MINDY3: variants seen among roughly 807,000 people sequenced by gnomAD.
MINDY3 encodes ubiquitin carboxyl-terminal hydrolase MINDY-3.
MINDY3 carries 38 observed loss-of-function variants against 69.2 expected under a neutral mutation model. The ratio of observed to expected loss-of-function variants is 0.55; its 90% CI spans 0.42 to 0.72. MINDY3 has a LOEUF of 0.72. Ranked by LOEUF, MINDY3 falls within the 30% of genes least tolerant of loss-of-function variation. The probability of loss-of-function intolerance (pLI) is 0.00; values close to 1 mark genes in which losing one functional copy is unlikely to be tolerated. For missense variants in MINDY3, 522 were observed against 519.0 expected (o/e 1.01, Z -0.06); for synonymous variants, 192 against 180.1 (o/e 1.07, Z -0.53).
intron 10 of MINDY3, among the ~76,000 whole-genome samples, chr10:15,805,516 G>C (rs373459366): frequency 2.6e-5 from 4 of 152,094 alleles, no homozygotes; most frequent in Non-Finnish European, 5.9e-5. Context: ...AGTGATACAA[G>C]GTAATCGATG....
chr10:15,827,176 T>TAA lies in MINDY3; in HGVS notation c.731-5452_731-5451dup, dbSNP rs56332799. Among the ~76,000 whole-genome samples the TAA allele has an allele frequency of 4.6e-3, 207 of 44,842 alleles. 3 individuals are homozygous for TAA. Among genetic ancestry groups the TAA allele is most frequent in the Middle Eastern group, 0.019 (1 of 54 alleles). 29.4% of individuals were successfully genotyped at this position (44,842 alleles called of 152,430 possible). On this transcript the variant is annotated intron_variant, in intron 8 of 14. Coordinates refer to ENST00000277632, the MANE Select transcript of MINDY3 (RefSeq NM_024948.4). Reference sequence around the variant, plus strand: ...ACACATAAAATTGATATAACAGGAGTAAAAAAAAAAAAAAAAAAAAAAGCC... The same window carrying TAA: ...ACACATAAAATTGATATAACAGGAGTAAAAAAAAAAAAAAAAAAAAAAAAGCC...
intron 8 of MINDY3, among the ~76,000 whole-genome samples, chr10:15,832,414 C>A (rs1832792964): frequency 6.6e-6 from 1 of 151,936 alleles, no homozygotes; most frequent in African/African-American, 2.4e-5. Flanking sequence ...GACCAAAAAA[C>A]CCTGTATATT....
intron 12 of MINDY3, among the ~76,000 whole-genome samples, chr10:15,786,900 GGTAAA>G (rs1315278805): frequency 1.3e-5 from 2 of 152,016 alleles, no homozygotes; most frequent in Non-Finnish European, 2.9e-5. Flanking sequence ...TTCCTTATTA[GGTAAA>G]GTAATTTAAA....
At chr10:15,780,626 T>C (rs1196438299) in intron 14 of MINDY3, among the ~76,000 whole-genome samples, 2 of 152,184 alleles carry the variant, frequency 1.3e-5, no homozygotes, top group Non-Finnish European at 2.9e-5. Context: ...TTTGTCTGTT[T>C]CCTTTCTAAC....
At chr10:15,794,127 T>C (rs1402965951) in intron 11 of MINDY3, among the ~76,000 whole-genome samples, 2 of 152,068 alleles carry the variant, frequency 1.3e-5, no homozygotes, top group Non-Finnish European at 2.9e-5. Flanking sequence ...GTACCTTCAG[T>C]GTCCTTCTAG....
chr10:15,857,360 T>A (rs1249340863), intron 1 of MINDY3, among the ~76,000 whole-genome samples: 1 of 152,164 alleles, frequency 6.6e-6, no homozygotes, highest in Admixed American at 6.5e-5. Flanking sequence ...GAACTCTGTA[T>A]TTCCTCATCT....
intron 13 of MINDY3, among the ~76,000 whole-genome samples, chr10:15,785,983 A>G (rs1414622228): frequency 6.6e-6 from 1 of 152,178 alleles, no homozygotes; most frequent in Non-Finnish European, 1.5e-5. Flanking sequence ...TAGAGAACAA[A>G]GACAGAAAGA....
At chr10:15,849,733 C>G (rs893831747) in intron 1 of MINDY3, among the ~76,000 whole-genome samples, 8 of 152,128 alleles carry the variant, frequency 5.3e-5, no homozygotes, top group African/African-American at 1.7e-4. Flanking sequence ...TCCATCCCAT[C>G]TCCTCTCTTT....
At chr10:15,837,485 G>C (rs1833168590) in intron 5 of MINDY3, 167 bp from the exon 6 acceptor site, 2 of 1,399,276 alleles carry the variant, frequency 1.4e-6, no homozygotes, top group African/African-American at 1.5e-5. Context: ...AAAACCAAAA[G>C]CTATTTCTGA....
At chr10:15,848,083 A>AAT in intron 1 of MINDY3, 140 bp from the exon 2 acceptor site, 1 of 674,548 alleles carries the variant, frequency 1.5e-6, no homozygotes, top group South Asian at 2.0e-5. Flanking sequence ...GGATCAAGGA[A>AAT]CCTTTTGAAA....
chr10:15,817,701 G>C (rs1839471183), intron 9 of MINDY3: 1 of 152,146 alleles, frequency 6.6e-6, no homozygotes, highest in Admixed American at 6.6e-5. Flanking sequence ...ACGAATCTTA[G>C]CAATACAATT....
At chr10:15,799,653 G>A (rs750106728) in intron 10 of MINDY3, among the ~76,000 whole-genome samples, 8 of 152,254 alleles carry the variant, frequency 5.3e-5, no homozygotes, top group Non-Finnish European at 1.2e-4. Context: ...ATCAGGAAAG[G>A]CAGGGAGATG....
At chr10:15,821,257 ATTCT>A (rs1442081319) in intron 9 of MINDY3, among the ~76,000 whole-genome samples, 2 of 152,214 alleles carry the variant, frequency 1.3e-5, no homozygotes, top group African/African-American at 4.8e-5. Flanking sequence ...GCATCTGGCA[ATTCT>A]TTCTCTTTGC....
In MINDY3 at chr10:15,803,701, G is replaced by A. The variant is rs566943100; in HGVS notation, c.883-7529C>T. Among the ~76,000 whole-genome samples the A allele has an allele frequency of 1.5e-4, 23 of 152,130 alleles. 1 individual carries two copies. The highest frequency in any genetic ancestry group is 8.5e-4 in the Admixed American group (13 of 15,268). On this transcript the variant is annotated intron_variant, in intron 10 of 14. Transcript: ENST00000277632. ...AAACCCAGTCTGTGCACTTAAGGTC[G>A]CAGTCTAATAGAACAGAGAAAAACA...
intron 1 of MINDY3, among the ~76,000 whole-genome samples, chr10:15,852,220 T>C (rs1834350994): frequency 6.6e-6 from 1 of 152,144 alleles, no homozygotes; most frequent in Non-Finnish European, 1.5e-5. Context: ...GTCATTGTTT[T>C]CCCACAGTAT....
intron 3 of MINDY3, among the ~76,000 whole-genome samples, chr10:15,842,904 C>CA (rs370464190): frequency 0.37 from 25,240 of 68,180 alleles, 2,801 homozygotes; most frequent in South Asian, 0.48. Flanking sequence ...AATAAGACTA[C>CA]AAAAAAAAAA....
chr10:15,785,951 T>C (rs1282633552), intron 13 of MINDY3, among the ~76,000 whole-genome samples: 4 of 152,148 alleles, frequency 2.6e-5, no homozygotes, highest in Admixed American at 6.5e-5. Context: ...AGTAATTTGA[T>C]TTAGTGGTAA....
intron 1 of MINDY3, chr10:15,858,113 T>C (rs1216791010): frequency 3.7e-5 from 6 of 160,714 alleles, no homozygotes; most frequent in Non-Finnish European, 1.3e-5. Context: ...AGTTAACATA[T>C]CAAAACCAGT....
intron 9 of MINDY3, chr10:15,818,137 A>T (rs1240639252): frequency 6.6e-6 from 1 of 152,328 alleles, no homozygotes; most frequent in Non-Finnish European, 1.5e-5. Context: ...AATACACAGG[A>T]TCTGTGCCTG....
Sources: allele counts gnomAD v4.1 joint callset (sites outside exome capture counted in the v4.1 genomes callset), GRCh38; gene constraint gnomAD v4.1.1; transcripts MANE v1.5; gene names NCBI Gene and HGNC (gene_info 2026-07-23, HGNC 2026-07-21).